The following PNKD variants were observed in gnomAD, a reference collection of about 807,000 sequenced individuals.
The protein encoded by PNKD is PNKD metallo-beta-lactamase domain containing.
Under a neutral mutation model 45.3 loss-of-function variants are expected in PNKD, and 36 were observed. The ratio of observed to expected loss-of-function variants is 0.80; its 90% CI spans 0.61 to 1.05. The LOEUF (loss-of-function observed/expected upper bound fraction) is 1.05, where lower values mean the gene tolerates loss of function less well. Among genes scored for constraint, PNKD ranks in the 50% least tolerant of loss-of-function variants. The probability of loss-of-function intolerance (pLI) is 0.00; values close to 1 mark genes in which losing one functional copy is unlikely to be tolerated. For synonymous variants in PNKD, 197 were observed against 210.1 expected, an observed-to-expected ratio of 0.94 and a Z score of 0.54; for missense variants, 511 against 506.6, an observed-to-expected ratio of 1.01 and a Z score of -0.08.
At chr2:218,318,961 T>C (rs1197565975) in intron 2 of PNKD, among the ~76,000 whole-genome samples, 1 of 138,940 alleles carries the variant, frequency 7.2e-6, no homozygotes, top group Admixed American at 7.1e-5. Flanking sequence ...TTTTTTTTTT[T>C]TTTTTTTTTT....
In PNKD at chr2:218,309,796, G is replaced by A. The variant is rs1042758847; in HGVS notation, c.237-29987G>A. ...AAAATACAAAAAAAATTAGCCGAGC[G>A]TGGTGGTGCACACCTGTAATCCCAG... On this transcript the variant is annotated intron_variant, in intron 2 of 9. Transcript: ENST00000273077. Among the ~76,000 whole-genome samples the A allele has an allele frequency of 7.9e-5, 12 of 151,986 alleles. No homozygotes were observed. The East Asian group carries it at 9.7e-4, about 12-fold the overall frequency.
At chr2:218,287,411 A>T (rs1692607952) in intron 2 of PNKD, 1 of 152,574 alleles carries the variant, frequency 6.6e-6, no homozygotes, top group African/African-American at 2.4e-5. Context: ...CTCTCAGCTC[A>T]GAAACAGTTA....
At chr2:218,282,027 A>AGGCAGGATACCCTCCT in intron 2 of PNKD, 7 of 1,608,046 alleles carry the variant, frequency 4.4e-6, no homozygotes, top group Non-Finnish European at 5.9e-6. Flanking sequence ...TAGCCAGGGT[A>AGGCAGGATACCCTCCT]GGCAGGATAC....
Position 218,339,854 on chromosome 2 carries a change from GCTACC to G in PNKD, c.312_316del (p.Tyr104Ter), listed in dbSNP as rs745362726. The G allele has an allele frequency of 9.9e-6, 16 of 1,612,404 alleles. No homozygotes were observed. The highest frequency in any genetic ancestry group is 3.3e-4 in the Middle Eastern group (2 of 6,056). On this transcript the variant is annotated frameshift_variant, in exon 3 of 10. Transcript: ENST00000273077. LOFTEE classifies it high-confidence loss of function. ...CAGCAGCTGCGCAGGGCTCGGAATC[GCTACC>G]CTAAAGGCCACTCGAAAACCCAGCC...
At chr2:218,321,956 C>T (rs1320297761) in intron 2 of PNKD, among the ~76,000 whole-genome samples, 1 of 111,148 alleles carries the variant, frequency 9.0e-6, no homozygotes. Context: ...TTTTTTTGAG[C>T]CGGAGTCTTG....
In PNKD at chr2:218,340,035, A is replaced by G. The variant is rs1427623727; in HGVS notation, c.359A>G (p.Lys120Arg). The change falls in exon 4 of 10, where the codon AAG (lysine) becomes AGG (arginine). Residue 120 changes from lysine (K) to arginine (R), a missense_variant. Lys to Arg is a conservative substitution (Grantham distance 26). Coordinates refer to ENST00000273077, the MANE Select transcript of PNKD (RefSeq NM_015488.5). This position sits in a 1 kb window ranked among gnomAD's most constrained non-coding sequence, Gnocchi z 4.2. ...AGCCCATCTCTGTCCCCAGGAGTGA[A>G]GGTGCTTCCCATCCCTGTCCTCTCG... ...KTQPRLFNGV[K>R]VLPIPVLSDN... 6.2e-7 allele frequency: 1 copy of G among 1,608,972 alleles called. No homozygotes were observed. Among genetic ancestry groups the G allele is most frequent in the Admixed American group, 1.7e-5 (1 of 60,014 alleles).
chr2:218,289,271 C>G (rs1692763894), intron 2 of PNKD, among the ~76,000 whole-genome samples: 1 of 152,204 alleles, frequency 6.6e-6, no homozygotes, highest in Non-Finnish European at 1.5e-5. Context: ...AAGTTCTTGT[C>G]CTGGCTTTGG....
At chr2:218,318,882 C>A (rs543916665) in intron 2 of PNKD, among the ~76,000 whole-genome samples, 1 of 148,738 alleles carries the variant, frequency 6.7e-6, no homozygotes, top group Admixed American at 6.7e-5. Flanking sequence ...GAGGGAGTAA[C>A]ATTTTTTCTT....
intron 1 of PNKD, 76 bp from the exon 2 acceptor site, chr2:218,271,305 G>A: frequency 1.6e-6 from 2 of 1,236,202 alleles, no homozygotes; most frequent in South Asian, 1.2e-5. Flanking sequence ...CTCCTCCCAA[G>A]CCCTTACTGC....
At chr2:218,276,678 C>G (rs1441584907) in intron 2 of PNKD, among the ~76,000 whole-genome samples, 1 of 152,246 alleles carries the variant, frequency 6.6e-6, no homozygotes, top group Middle Eastern at 3.2e-3. Flanking sequence ...CCCATCATCT[C>G]AGTCCTCTGG....
At chr2:218,318,389 T>TA (rs1693875645) in intron 2 of PNKD, 1 of 152,264 alleles carries the variant, frequency 6.6e-6, no homozygotes, top group African/African-American at 2.4e-5. Flanking sequence ...ATGGGTTCTT[T>TA]AGCCATGGTT....
rs773978724 is a variant in PNKD, at chr2:218,275,651, A to C, written c.236+4102A>C. ...AAGGATAGGGAAGCCAGAAGTGAGA[A>C]CTCAGGCATCAGTGTCCAGAGCTCA... On this transcript the variant is annotated intron_variant, in intron 2 of 9. Coordinates refer to ENST00000273077, the MANE Select transcript of PNKD (RefSeq NM_015488.5). The C allele has an allele frequency of 2.5e-6, 4 of 1,596,982 alleles. No individual in the cohort carries two copies. In the African/African-American group the frequency reaches 4.0e-5, roughly 16 times the overall value.
At chr2:218,343,777 C>T (rs1222844494) in intron 8 of PNKD, among the ~76,000 whole-genome samples, 191 bp downstream of exon 8, 1 of 152,228 alleles carries the variant, frequency 6.6e-6, no homozygotes, top group East Asian at 1.9e-4. Flanking sequence ...CTCCGTACCA[C>T]CTCTGCTTCT....
chr2:218,272,768 G>A (rs573190186), intron 2 of PNKD: 15 of 1,614,128 alleles, frequency 9.3e-6, no homozygotes, highest in East Asian at 4.5e-5. Context: ...CCTGAGGAGC[G>A]CTGCGACCCT....
At chr2:218,295,699 G>A (rs1693124876) in intron 2 of PNKD, among the ~76,000 whole-genome samples, 1 of 152,090 alleles carries the variant, frequency 6.6e-6, no homozygotes, top group African/African-American at 2.4e-5. Context: ...ATTTTACCCT[G>A]AAAGCAATGG....
intron 2 of PNKD, among the ~76,000 whole-genome samples, chr2:218,310,282 G>A (rs1693564054): frequency 6.6e-6 from 1 of 152,186 alleles, no homozygotes; most frequent in Admixed American, 6.5e-5. Flanking sequence ...GAGTGCAGTG[G>A]TGCAATCATG....
At chr2:218,277,583 C>G (rs2106193052) in intron 2 of PNKD, 6 of 1,613,454 alleles carry the variant, frequency 3.7e-6, no homozygotes, top group East Asian at 2.2e-5. Context: ...GAACACCCCA[C>G]TCCCCACAAT....
chr2:218,321,623 C>CTTT (rs35315674), intron 2 of PNKD, among the ~76,000 whole-genome samples: 25 of 93,844 alleles, frequency 2.7e-4, no homozygotes, highest in African/African-American at 6.0e-4. Context: ...GTGAGCTTGA[C>CTTT]TTTTTTTTTT....
At chr2:218,311,826 G>A (rs562989375) in intron 2 of PNKD, among the ~76,000 whole-genome samples, 21 of 152,248 alleles carry the variant, frequency 1.4e-4, no homozygotes, top group Admixed American at 1.2e-3. Context: ...CAGGCCTTAT[G>A]GTAAGGTCTT....
Sources: allele counts gnomAD v4.1 joint callset (sites outside exome capture counted in the v4.1 genomes callset), GRCh38; gene constraint gnomAD v4.1.1; non-coding constraint Gnocchi (gnomAD v3.1); transcripts MANE v1.5; gene names NCBI Gene and HGNC (gene_info 2026-07-23, HGNC 2026-07-21).